Variants in DYNC1I1 observed in about 807,000 individuals in gnomAD.
DYNC1I1 encodes the protein dynein cytoplasmic 1 intermediate chain 1, also known as cytoplasmic dynein 1 intermediate chain 1.
In DYNC1I1, 43 loss-of-function variants were observed where a neutral mutation model predicts 86.6. The observed-to-expected ratio is 0.50, with a 90% confidence interval of 0.39 to 0.64. The LOEUF is 0.64. DYNC1I1 is among the 30% of genes least tolerant of loss of function. The pLI is 0.00. For synonymous variants in DYNC1I1, 262 were observed against 283.7 expected (o/e 0.92, Z 0.77); for missense variants, 604 against 788.8 (o/e 0.77, Z 2.81).
intron 16 of DYNC1I1, among the ~76,000 whole-genome samples, chr7:96,107,256 C>T (rs965104398): frequency 6.6e-6 from 1 of 152,074 alleles, no homozygotes; most frequent in Non-Finnish European, 1.5e-5. Context: ...TCTCAAACTC[C>T]TGACCTCAAG....
At chr7:95,817,002 GT>G (rs1214468149) in intron 4 of DYNC1I1, among the ~76,000 whole-genome samples, 1 of 152,132 alleles carries the variant, frequency 6.6e-6, no homozygotes. Flanking sequence ...AACGGCTTTT[GT>G]TTAGTTGAAC....
At chr7:95,886,898 A>G (rs913361106) in intron 6 of DYNC1I1, among the ~76,000 whole-genome samples, 4 of 152,208 alleles carry the variant, frequency 2.6e-5, no homozygotes, top group Admixed American at 6.5e-5. Context: ...AGAGGAAGTC[A>G]ATGCCTCGTT....
chr7:95,999,486 T>G (rs539176025), intron 10 of DYNC1I1, among the ~76,000 whole-genome samples: 1 of 152,244 alleles, frequency 6.6e-6, no homozygotes, highest in South Asian at 2.1e-4. Flanking sequence ...TCAGCTAACC[T>G]CGTTTGTGTC....
chr7:96,050,319 C>A (rs1485104004), intron 14 of DYNC1I1, among the ~76,000 whole-genome samples: 2 of 151,950 alleles, frequency 1.3e-5, no homozygotes, highest in African/African-American at 4.8e-5. Flanking sequence ...GCCAGAGAGA[C>A]AATAACACTT....
At chr7:95,816,601 A>G (rs2115861403) in intron 4 of DYNC1I1, among the ~76,000 whole-genome samples, 1 of 152,254 alleles carries the variant, frequency 6.6e-6, no homozygotes, top group South Asian at 2.1e-4. Flanking sequence ...GGATTTTAAG[A>G]GCTTGTTGAA....
At chr7:96,007,784 C>T (rs1389296706) in intron 10 of DYNC1I1, among the ~76,000 whole-genome samples, 1 of 152,132 alleles carries the variant, frequency 6.6e-6, no homozygotes, top group Non-Finnish European at 1.5e-5. Flanking sequence ...AGAAAGATGA[C>T]ACCTTGGGAA....
At chr7:95,945,634 T>C (rs1416967488) in intron 6 of DYNC1I1, among the ~76,000 whole-genome samples, 1 of 152,210 alleles carries the variant, frequency 6.6e-6, no homozygotes, top group African/African-American at 2.4e-5. Context: ...GTTCACAGCA[T>C]TCACTTTTTT....
At chr7:95,832,495 G>A (rs989166170) in intron 5 of DYNC1I1, among the ~76,000 whole-genome samples, 33 of 151,990 alleles carry the variant, frequency 2.2e-4, no homozygotes, top group African/African-American at 5.8e-4. Flanking sequence ...GTAATGGGAT[G>A]GCTGGGTCAA....
intron 16 of DYNC1I1, among the ~76,000 whole-genome samples, chr7:96,108,860 C>CAAAAAAA (rs201915898): frequency 1.3e-5 from 1 of 79,580 alleles, no homozygotes; most frequent in African/African-American, 4.7e-5. Flanking sequence ...GACTCTGTCT[C>CAAAAAAA]AAAAAAAAAA....
chr7:96,069,465 T>C (rs1584296002), intron 14 of DYNC1I1, among the ~76,000 whole-genome samples: 1 of 152,216 alleles, frequency 6.6e-6, no homozygotes, highest in East Asian at 1.9e-4. Flanking sequence ...AGAATGTCAG[T>C]GGAGCCATAG....
In DYNC1I1 at chr7:96,009,535, T is replaced by C. The variant is rs369255394; in HGVS notation, c.969+13462T>C. Among the ~76,000 whole-genome samples, 4 of 152,304 alleles carry C rather than the reference T, an allele frequency of 2.6e-5. No homozygotes were observed. The East Asian group carries it at 7.7e-4, about 29-fold the overall frequency. On this transcript the variant is annotated intron_variant, in intron 10 of 16. Coordinates refer to ENST00000447467, the MANE Select transcript of DYNC1I1 (RefSeq NM_001135556.2). ...AAATGATTCTCTCCCCCAAAGTGTG[T>C]ATTCTTTGTCTCAAGGAAGCCTAAA...
intron 10 of DYNC1I1, among the ~76,000 whole-genome samples, chr7:96,012,123 A>T (rs1794290187): frequency 6.6e-6 from 1 of 152,150 alleles, no homozygotes; most frequent in South Asian, 2.1e-4. Context: ...ATGAGAACAA[A>T]TTTGAAAAAG....
Position 96,008,884 on chromosome 7 carries a change from G to T in DYNC1I1, c.969+12811G>T, listed in dbSNP as rs1348067906. 3.3e-5 allele frequency among the ~76,000 whole-genome samples: 5 copies of T among 151,998 alleles called. No individual in the cohort carries two copies. The East Asian group carries it at 9.6e-4, about 29-fold the overall frequency. ...TAGGAGACTTTCTGCATTTTTCTTA[G>T]GTGTATTTTCTGCTCAGAGGGTCAT... On this transcript the variant is annotated intron_variant, in intron 10 of 16. Transcript: ENST00000447467.
At chr7:95,811,302 A>C (rs1199324643) in intron 3 of DYNC1I1, among the ~76,000 whole-genome samples, 3 of 152,132 alleles carry the variant, frequency 2.0e-5, no homozygotes, top group Non-Finnish European at 4.4e-5. Flanking sequence ...ATAAAACTAC[A>C]TTATATCCAA....
chr7:95,981,713 T>G (rs1049816837), intron 7 of DYNC1I1, among the ~76,000 whole-genome samples: 10 of 152,096 alleles, frequency 6.6e-5, no homozygotes, highest in Non-Finnish European at 1.3e-4. Flanking sequence ...TGTTTTGTGT[T>G]GTGAAAACAA....
intron 5 of DYNC1I1, among the ~76,000 whole-genome samples, chr7:95,868,556 CT>C (rs11390764): frequency 1.6e-4 from 24 of 151,710 alleles, no homozygotes; most frequent in South Asian, 4.2e-4. Flanking sequence ...GGTAGTATAC[CT>C]TTTTTTTCTT....
chr7:96,013,908 A>G (rs1301349181), intron 10 of DYNC1I1, among the ~76,000 whole-genome samples: 1 of 152,184 alleles, frequency 6.6e-6, no homozygotes, highest in African/African-American at 2.4e-5. Context: ...ATTAAGCCCA[A>G]CAGAATTAAC....
rs1039603583 is a variant in DYNC1I1, at chr7:96,032,591, G to A, written c.1117-76G>A. 4.5e-6 allele frequency: 5 copies of A among 1,110,734 alleles called. No homozygotes were observed. The Admixed American group carries it at 7.3e-5, about 16-fold the overall frequency. The allele number at this position is 1,110,734 out of a possible 1,614,324, so 68.8% of individuals were successfully genotyped here. ...GTTACTCTTTAATCCTTGTTTTAGA[G>A]TAATGTGTTTGACACTCAAATGTAA... is the stretch of plus-strand genomic sequence containing the variant. On this transcript the variant is annotated intron_variant, in intron 11 of 16. Coordinates refer to ENST00000447467, the MANE Select transcript of DYNC1I1 (RefSeq NM_001135556.2).
chr7:95,853,330 T>C (rs1306970095), intron 5 of DYNC1I1, among the ~76,000 whole-genome samples: 1 of 152,158 alleles, frequency 6.6e-6, no homozygotes, highest in Non-Finnish European at 1.5e-5. Context: ...GGATTCCTTA[T>C]AAAAGGACAA....
Sources: allele counts gnomAD v4.1 joint callset (sites outside exome capture counted in the v4.1 genomes callset), GRCh38; gene constraint gnomAD v4.1.1; transcripts MANE v1.5; gene names NCBI Gene and HGNC (gene_info 2026-07-23, HGNC 2026-07-21).